EIF2AK2: variants seen among roughly 807,000 people sequenced by gnomAD.
EIF2AK2 encodes the protein eukaryotic translation initiation factor 2 alpha kinase 2.
A neutral mutation model predicts 70.5 loss-of-function variants in EIF2AK2; 40 were observed. The observed-to-expected ratio is 0.57, with a 90% CI of 0.44 to 0.74. EIF2AK2 has a LOEUF of 0.74. EIF2AK2 is among the 30% of genes least tolerant of loss of function. EIF2AK2 has a pLI of 0.00. For missense variants in EIF2AK2, 555 were observed against 644.3 expected (o/e 0.86, Z 1.50); for synonymous variants, 198 against 220.9 (o/e 0.90, Z 0.92).
At chr2:37,143,336 T>C (rs1675406282) in intron 4 of EIF2AK2, among the ~76,000 whole-genome samples, 1 of 152,184 alleles carries the variant, frequency 6.6e-6, no homozygotes, top group Non-Finnish European at 1.5e-5. Context: ...AAACATTGTC[T>C]GCTGAAATCT....
intron 11 of EIF2AK2, among the ~76,000 whole-genome samples, chr2:37,125,043 G>A (rs535059980): frequency 9.9e-5 from 15 of 151,082 alleles, no homozygotes; most frequent in South Asian, 8.4e-4. Context: ...AGGGAGTTTC[G>A]CTTTTGTTGC....
intron 4 of EIF2AK2, among the ~76,000 whole-genome samples, chr2:37,142,192 G>A (rs1033168081): frequency 6.6e-6 from 1 of 152,038 alleles, no homozygotes; most frequent in African/African-American, 2.4e-5. Flanking sequence ...GTGCAGTGGT[G>A]CAACCTCAGC....
intron 13 of EIF2AK2, among the ~76,000 whole-genome samples, chr2:37,115,857 A>G (rs1259132269): frequency 6.6e-6 from 1 of 151,878 alleles, no homozygotes; most frequent in Non-Finnish European, 1.5e-5. Context: ...TTATCCATGC[A>G]ATTCTTTAAG....
intron 14 of EIF2AK2, among the ~76,000 whole-genome samples, chr2:37,113,754 GA>G (rs1674240317): frequency 6.6e-6 from 1 of 152,044 alleles, no homozygotes; most frequent in African/African-American, 2.4e-5. Context: ...TAAAAATCTG[GA>G]AAATACAAAC....
intron 10 of EIF2AK2, among the ~76,000 whole-genome samples, chr2:37,131,088 T>G (rs920904316): frequency 6.6e-6 from 1 of 152,208 alleles, no homozygotes; most frequent in African/African-American, 2.4e-5. Context: ...TGATTATAGA[T>G]AGCAAATTTT....
In EIF2AK2 at chr2:37,127,499, C is replaced by T. The variant is rs115014266; in HGVS notation, c.786-1088G>A. Among the ~76,000 whole-genome samples the T allele has an allele frequency of 9.5e-3, 1,447 of 152,222 alleles. 23 individuals are homozygous for T. The highest frequency in any genetic ancestry group is 0.033 in the African/African-American group (1,364 of 41,508). ...AGCATCCTCATCTCATGGCACTGTG[C>T]CCCTCCTCATTGCACTCAAAGCACA... is the stretch of plus-strand genomic sequence containing the variant. On this transcript the variant is annotated intron_variant, in intron 10 of 16. Transcript: ENST00000233057.
Position 37,114,812 on chromosome 2 carries a change from G to T in EIF2AK2, c.1296C>A (p.Asp432Glu). The T allele has an allele frequency of 6.3e-7, 1 of 1,595,896 alleles. No homozygotes were observed. The change falls in exon 14 of 17, where the codon GAC becomes GAA. Residue 432 changes from aspartate to glutamate, a missense_variant. Around this residue, in one of 3 missense-constraint regions of EIF2AK2, gnomAD observed 299 missense variants for 375.4 expected, o/e 0.80. Coordinates refer to ENST00000233057, the MANE Select transcript of EIF2AK2 (RefSeq NM_001135651.3). ...LVDTKQVKIG[D>E]FGLVTSLKND... Reference sequence around the variant, plus strand: ...TTTTCAGAGATGTTACAAGTCCAAAGTCTCCAATCTTTACTTGTTTTGTAT... The same window carrying T: ...TTTTCAGAGATGTTACAAGTCCAAATTCTCCAATCTTTACTTGTTTTGTAT...
intron 4 of EIF2AK2, among the ~76,000 whole-genome samples, chr2:37,145,882 A>G (rs1675519942): frequency 6.7e-6 from 1 of 149,094 alleles, no homozygotes; most frequent in South Asian, 2.1e-4. Flanking sequence ...CCTCCCAAGT[A>G]GCTGGGATTA....
chr2:37,121,636 T>G (rs1674557416), intron 12 of EIF2AK2, among the ~76,000 whole-genome samples: 1 of 151,474 alleles, frequency 6.6e-6, no homozygotes, highest in Non-Finnish European at 1.5e-5. Context: ...TTTTTTTTTT[T>G]TGCTAACCAC....
Position 37,120,114 on chromosome 2 carries a change from G to A in EIF2AK2, c.1093C>T (p.Gln365Ter). The A allele has an allele frequency of 1.4e-6, 2 of 1,466,434 alleles. No individual in the cohort carries two copies. The highest frequency in any genetic ancestry group is 1.8e-6 in the Non-Finnish European group (2 of 1,102,360). The allele number at this position is 1,466,434 out of a possible 1,614,324, so 90.8% of individuals were successfully genotyped here. A position where few individuals can be genotyped will look rare whatever the true frequency, so the allele number is the denominator to read the frequency against. Residue 365 changes from glutamine to a stop codon, truncating the protein, a stop_gained, in exon 13 of 17, where the codon CAA becomes TAA. Coordinates refer to ENST00000233057, the MANE Select transcript of EIF2AK2 (RefSeq NM_001135651.3). LOFTEE classifies it high-confidence loss of function. ...GTCCCTTTATCACAGAATTCCATTT[G>A]GATGAAAAGGCACTTAGTCTTTGAC... ...SRSKTKCLFI[Q>*]MEFCDKGTLE...
intron 4 of EIF2AK2, among the ~76,000 whole-genome samples, 157 bp downstream of exon 4, chr2:37,146,696 T>C (rs933551627): frequency 6.6e-6 from 1 of 152,246 alleles, no homozygotes; most frequent in Non-Finnish European, 1.5e-5. Context: ...ACTCAGGGTT[T>C]CATAGAAATG....
At chr2:37,128,855 T>C (rs574685384) in intron 10 of EIF2AK2, among the ~76,000 whole-genome samples, 23 of 152,302 alleles carry the variant, frequency 1.5e-4, no homozygotes, top group African/African-American at 5.5e-4. Flanking sequence ...CATGATTACC[T>C]GTCTCCTCAC....
rs150519742 is a variant in EIF2AK2, at chr2:37,100,136, TA to T, written c.*7136del. The T allele has an allele frequency of 0.023, 3,523 of 150,360 alleles. 123 individuals carry two copies. Among genetic ancestry groups the T allele is most frequent in the African/African-American group, 0.08 (3,272 of 40,988 alleles). 9.3% of individuals were successfully genotyped at this position (150,360 alleles called of 1,614,324 possible). ...AATTATATCTCAATAAAGCAGTTAT[TA>T]AAAAAAAAATGAAGAGAATTTCAGA... On this transcript the variant is annotated 3_prime_UTR_variant, in exon 17 of 17. Coordinates refer to ENST00000233057, the MANE Select transcript of EIF2AK2 (RefSeq NM_001135651.3).
intron 3 of EIF2AK2, among the ~76,000 whole-genome samples, chr2:37,147,393 T>C (rs1179476781): frequency 1.3e-5 from 2 of 151,792 alleles, no homozygotes; most frequent in Admixed American, 6.6e-5. Flanking sequence ...ACATGTGCCA[T>C]GTTGGTGTGC....
intron 13 of EIF2AK2, among the ~76,000 whole-genome samples, chr2:37,118,196 C>A (rs2148673442): frequency 6.6e-6 from 1 of 151,774 alleles, no homozygotes; most frequent in South Asian, 2.1e-4. Flanking sequence ...CACCTGTGGT[C>A]CCAGCTATAC....
chr2:37,124,450 C>G (rs559939128), intron 11 of EIF2AK2, among the ~76,000 whole-genome samples: 1 of 152,122 alleles, frequency 6.6e-6, no homozygotes, highest in East Asian at 1.9e-4. Context: ...TTAGTAGAGA[C>G]AGAGTTTCAC....
chr2:37,114,104 T>G (rs1269832460), intron 14 of EIF2AK2, among the ~76,000 whole-genome samples: 2 of 152,108 alleles, frequency 1.3e-5, no homozygotes, highest in African/African-American at 4.8e-5. Flanking sequence ...AGACCTTGTC[T>G]CTACAATAAA....
chr2:37,141,416 T>C, intron 5 of EIF2AK2, 137 bp downstream of exon 5: 1 of 1,044,468 alleles, frequency 9.6e-7, no homozygotes. Context: ...ATAAATCCAA[T>C]TACTTATCAA....
chr2:37,127,643 C>A (rs990667434), intron 10 of EIF2AK2, among the ~76,000 whole-genome samples: 4 of 152,132 alleles, frequency 2.6e-5, no homozygotes, highest in African/African-American at 9.7e-5. Flanking sequence ...GGCCTCCCCA[C>A]AACTGTGACC....
Sources: gnomAD v4.1 joint callset for allele counts (sites outside exome capture counted in the v4.1 genomes callset) on GRCh38, gnomAD v4.1.1 for gene constraint, gnomAD v4.1.1 regional missense constraint, MANE v1.5 for transcripts, NCBI Gene and HGNC (gene_info 2026-07-23, HGNC 2026-07-21) for gene names.